Variants in DHX36 observed in about 807,000 individuals in gnomAD.
DHX36 encodes the protein ATP-dependent DNA/RNA helicase DHX36.
In DHX36, 50 loss-of-function variants were observed where a neutral mutation model predicts 139.0. That is an observed-to-expected ratio of 0.36 (90% CI 0.29 to 0.46). The LOEUF (loss-of-function observed/expected upper bound fraction) is 0.46. DHX36 is among the 20% of genes least tolerant of loss of function. The pLI is 1.00. For synonymous variants in DHX36, 425 were observed against 401.9 expected (o/e 1.06, Z -0.69); for missense variants, 1,024 against 1,211.3 (o/e 0.85, Z 2.29).
rs1576874116 is a variant in DHX36 at position 154,305,307 on chromosome 3, A to G, written c.894-139T>C. The G allele has an allele frequency of 1.2e-5, 8 of 660,190 alleles. No individual in the cohort carries two copies. In the East Asian group the frequency reaches 2.2e-4, roughly 18 times the overall value. 40.9% of individuals were successfully genotyped at this position (660,190 alleles called of 1,614,324 possible). A position where few individuals can be genotyped will look rare whatever the true frequency, so the allele number is the denominator to read the frequency against. Reference sequence around the variant, plus strand: ...CACACTTAATTTTTTACTTATAAGAACACCTACCACAATGGGGTAATGGGA... The same window carrying G: ...CACACTTAATTTTTTACTTATAAGAGCACCTACCACAATGGGGTAATGGGA... On this transcript the variant is annotated intron_variant, in intron 6 of 24. Transcript: ENST00000496811.
chr3:154,273,693 A>G lies in DHX36; in HGVS notation c.*2478T>C, dbSNP rs988606983. 2.0e-5 allele frequency: 3 copies of G among 152,258 alleles called. No individual in the cohort carries two copies. The highest frequency in any genetic ancestry group is 7.2e-5 in the African/African-American group (3 of 41,464). 9.4% of individuals were successfully genotyped at this position (152,258 alleles called of 1,614,324 possible). A position where few individuals can be genotyped will look rare whatever the true frequency, so the allele number is the denominator to read the frequency against. ...TAAAGGATTTGAGACATAACAGGTA[A>G]CACACATTCCCAGGATTGGGAGCAG... On this transcript the variant is annotated 3_prime_UTR_variant, in exon 25 of 25. Coordinates refer to ENST00000496811, the MANE Select transcript of DHX36 (RefSeq NM_020865.3).
chr3:154,288,553 T>C (rs921337746), intron 17 of DHX36, among the ~76,000 whole-genome samples: 1 of 152,162 alleles, frequency 6.6e-6, no homozygotes, highest in Admixed American at 6.5e-5. Context: ...ATATTTGTTT[T>C]ACTCGCCAGT....
In DHX36 at chr3:154,324,371, G is replaced by A. The variant is rs747936122; in HGVS notation, c.46C>T (p.Arg16Cys). 51 of 1,589,154 alleles carry A rather than the reference G, an allele frequency of 3.2e-5. No homozygotes were observed. The highest frequency in any genetic ancestry group is 4.1e-5 in the Non-Finnish European group (48 of 1,165,640). Residue 16 changes from arginine (R) to cysteine (C), a missense_variant, in exon 1 of 25, where the codon CGC becomes TGC. Arg to Cys is a radical substitution (Grantham distance 180). Transcript: ENST00000496811. ...CCTCCATAGCCCCCACCGGAGCTGC[G>A]GGGACCCCCATCACGGCCCCAGTTC... ...HQNWGRDGGP[R>C]SSGGGYGGGP...
At chr3:154,318,404 T>C (rs965262830) in intron 1 of DHX36, among the ~76,000 whole-genome samples, 4 of 152,148 alleles carry the variant, frequency 2.6e-5, no homozygotes, top group African/African-American at 9.6e-5. Context: ...AACTCATTAC[T>C]CTATATTTTG....
At chr3:154,321,683 G>A (rs2108371130) in intron 1 of DHX36, among the ~76,000 whole-genome samples, 1 of 152,256 alleles carries the variant, frequency 6.6e-6, no homozygotes, top group African/African-American at 2.4e-5. Flanking sequence ...TTTCAGCCAG[G>A]CGCCATGGCT....
intron 6 of DHX36, among the ~76,000 whole-genome samples, chr3:154,305,719 T>G (rs1480116230): frequency 6.6e-6 from 1 of 152,184 alleles, no homozygotes; most frequent in African/African-American, 2.4e-5. Flanking sequence ...GTGAGTTGAC[T>G]GCACCACTGC....
At chr3:154,302,770 A>G (rs1321101616) in intron 9 of DHX36, among the ~76,000 whole-genome samples, 5 of 152,322 alleles carry the variant, frequency 3.3e-5, no homozygotes, top group Admixed American at 1.3e-4. Context: ...TTTGCTGCCC[A>G]GGAATCTTCA....
intron 23 of DHX36, among the ~76,000 whole-genome samples, chr3:154,277,320 T>C (rs1335707979): frequency 6.6e-6 from 1 of 152,204 alleles, no homozygotes. Context: ...TGTAAACTCC[T>C]GTACACCATA....
intron 5 of DHX36, among the ~76,000 whole-genome samples, chr3:154,308,881 G>A (rs1712617076): frequency 6.6e-6 from 1 of 152,010 alleles, no homozygotes; most frequent in Admixed American, 6.6e-5. Context: ...TTACTGAGTA[G>A]CTGCATTCAA....
intron 19 of DHX36, 48 bp from the exon 20 acceptor site, chr3:154,283,319 G>C: frequency 8.0e-7 from 1 of 1,252,962 alleles, no homozygotes; most frequent in Non-Finnish European, 1.2e-6. Context: ...CGCAAACAAA[G>C]ATTACTACTG....
intron 4 of DHX36, among the ~76,000 whole-genome samples, chr3:154,310,793 AAAAAAAAAAAAAAATATATATATATAT>A (rs1255329288): frequency 8.4e-5 from 3 of 35,652 alleles, no homozygotes; most frequent in Non-Finnish European, 1.6e-4. Context: ...AAAAAAAAAA[AAAAAAAAAAAAAAATATATATATATAT>A]ATATATATAT....
intron 6 of DHX36, among the ~76,000 whole-genome samples, chr3:154,305,621 G>A (rs2108355988): frequency 6.6e-6 from 1 of 152,118 alleles, no homozygotes; most frequent in East Asian, 1.9e-4. Context: ...AAAAAAATTA[G>A]CCAGTTGTGG....
chr3:154,294,636 C>G (rs1304739917), intron 13 of DHX36, among the ~76,000 whole-genome samples: 4 of 151,910 alleles, frequency 2.6e-5, no homozygotes, highest in Non-Finnish European at 4.4e-5. Flanking sequence ...GTACCAGCAA[C>G]AAAAATATTA....
chr3:154,293,093 T>C (rs1422930515), intron 14 of DHX36, among the ~76,000 whole-genome samples: 2 of 152,210 alleles, frequency 1.3e-5, no homozygotes, highest in South Asian at 4.1e-4. Flanking sequence ...AACTACATCT[T>C]AGTACCTCCA....
chr3:154,321,667 A>G (rs1265061724), intron 1 of DHX36, among the ~76,000 whole-genome samples: 1 of 152,228 alleles, frequency 6.6e-6, no homozygotes, highest in Admixed American at 6.5e-5. Flanking sequence ...ATTAGAATGC[A>G]TTCATTTTCA....
intron 12 of DHX36, among the ~76,000 whole-genome samples, chr3:154,297,915 G>T (rs938354090): frequency 3.3e-5 from 5 of 151,996 alleles, no homozygotes; most frequent in African/African-American, 1.2e-4. Context: ...AAAAAAACAA[G>T]AAATTGATAA....
intron 17 of DHX36, among the ~76,000 whole-genome samples, chr3:154,286,287 ACATTGTATTAAGG>A (rs1448883921): frequency 6.6e-6 from 1 of 151,238 alleles, no homozygotes; most frequent in Non-Finnish European, 1.5e-5. Flanking sequence ...CTTCTGCTCA[ACATTGTATTAAGG>A]GTCCCAGAAA....
chr3:154,312,633 G>C (rs1428466264), intron 3 of DHX36, among the ~76,000 whole-genome samples: 1 of 151,326 alleles, frequency 6.6e-6, no homozygotes, highest in Non-Finnish European at 1.5e-5. Context: ...ATGAGGTCAG[G>C]AGTTTGAGAC....
chr3:154,324,465 C>T lies in DHX36; in HGVS notation c.-49G>A. ...CAGAACCAGCAACCGCTGGAAATGGCGTCCGGGCCCGGAAGCCACTGTGCG... is the reference window on the plus strand; with the variant it reads ...CAGAACCAGCAACCGCTGGAAATGGTGTCCGGGCCCGGAAGCCACTGTGCG... On this transcript the variant is annotated 5_prime_UTR_variant, in exon 1 of 25. Coordinates refer to ENST00000496811, the MANE Select transcript of DHX36 (RefSeq NM_020865.3). 2 of 1,435,680 alleles carry T rather than the reference C, an allele frequency of 1.4e-6. No homozygotes were observed. The highest frequency in any genetic ancestry group is 9.1e-7 in the Non-Finnish European group (1 of 1,098,218). 88.9% of individuals were successfully genotyped at this position (1,435,680 alleles called of 1,614,324 possible).
Sources: gnomAD v4.1 joint callset for allele counts (sites outside exome capture counted in the v4.1 genomes callset) on GRCh38, gnomAD v4.1.1 for gene constraint, MANE v1.5 for transcripts, NCBI Gene and HGNC (gene_info 2026-07-23, HGNC 2026-07-21) for gene names.